Variants in SPATS2L observed in about 807,000 individuals in gnomAD.
SPATS2L encodes spermatogenesis associated serine rich 2 like.
A neutral mutation model predicts 59.6 loss-of-function variants in SPATS2L; 30 were observed. The ratio of observed to expected loss-of-function variants is 0.50; its 90% CI spans 0.38 to 0.68. SPATS2L has a LOEUF of 0.68. Ranked by LOEUF, SPATS2L falls within the 30% of genes least tolerant of loss-of-function variation. The probability of loss-of-function intolerance (pLI) is 0.00; values close to 1 mark genes in which losing one functional copy is unlikely to be tolerated. For synonymous variants in SPATS2L, 252 were observed against 263.5 expected (o/e 0.96, Z 0.42); for missense variants, 615 against 700.0 (o/e 0.88, Z 1.37).
At chr2:200,476,164 C>T (rs2087505639) in intron 12 of SPATS2L, among the ~76,000 whole-genome samples, 1 of 152,118 alleles carries the variant, frequency 6.6e-6, no homozygotes, top group African/African-American at 2.4e-5. Context: ...CCTTACTGCT[C>T]ATCCATTTAC....
chr2:200,348,447 A>T (rs1437079898), intron 2 of SPATS2L, among the ~76,000 whole-genome samples: 1 of 152,226 alleles, frequency 6.6e-6, no homozygotes, highest in African/African-American at 2.4e-5. Context: ...AATGCCTTCT[A>T]ACTTTTCAGC....
chr2:200,417,788 TTA>T (rs756672477), intron 5 of SPATS2L, among the ~76,000 whole-genome samples: 1 of 152,204 alleles, frequency 6.6e-6, no homozygotes, highest in Non-Finnish European at 1.5e-5. Flanking sequence ...AAAAAACTGT[TTA>T]TTTTTACTTC....
intron 1 of SPATS2L, among the ~76,000 whole-genome samples, chr2:200,323,918 G>T (rs927808654): frequency 2.6e-5 from 4 of 152,214 alleles, no homozygotes; most frequent in African/African-American, 9.6e-5. Context: ...GGAGGGGACA[G>T]GAAAGGGAAC....
intron 2 of SPATS2L, among the ~76,000 whole-genome samples, chr2:200,366,778 T>C (rs924673169): frequency 6.6e-6 from 1 of 152,204 alleles, no homozygotes; most frequent in Non-Finnish European, 1.5e-5. Flanking sequence ...TATTGGAGGC[T>C]TACAGATTTT....
At chr2:200,391,922 C>A (rs1299890353) in intron 3 of SPATS2L, among the ~76,000 whole-genome samples, 1 of 152,210 alleles carries the variant, frequency 6.6e-6, no homozygotes, top group Non-Finnish European at 1.5e-5. Context: ...AAACTAACTT[C>A]TGACAACATA....
chr2:200,365,500 T>A (rs776055225), intron 2 of SPATS2L, among the ~76,000 whole-genome samples: 1 of 152,216 alleles, frequency 6.6e-6, no homozygotes, highest in Non-Finnish European at 1.5e-5. Flanking sequence ...TACATGGGAC[T>A]CTGTCTGTGA....
intron 5 of SPATS2L, among the ~76,000 whole-genome samples, 185 bp downstream of exon 5, chr2:200,416,613 C>G (rs186931289): frequency 0.012 from 1,891 of 152,198 alleles, 22 homozygotes; most frequent in South Asian, 0.022. Flanking sequence ...ACTAGTAATG[C>G]CCTTATTTTC....
At chr2:200,330,263 T>C (rs144175746) in intron 2 of SPATS2L, among the ~76,000 whole-genome samples, 1 of 152,380 alleles carries the variant, frequency 6.6e-6, no homozygotes, top group Non-Finnish European at 1.5e-5. Flanking sequence ...AAATTCCAAA[T>C]TGAGGTAGTC....
chr2:200,455,392 G>A lies in SPATS2L; in HGVS notation c.789-4377G>A, dbSNP rs2085763707. On this transcript the variant is annotated intron_variant, in intron 8 of 12. Coordinates refer to ENST00000409140, the MANE Select transcript of SPATS2L (RefSeq NM_001100423.2). ...AGAAGAGTTGTCTTCAAGGTAGAGG[G>A]AAGGGCTTGTTTCAAGCCCCTGTGG... 3.3e-5 allele frequency among the ~76,000 whole-genome samples: 5 copies of A among 152,174 alleles called. No homozygotes were observed. In the South Asian group the frequency reaches 1.0e-3, roughly 32 times the overall value.
At chr2:200,406,786 C>G (rs2082702317) in intron 3 of SPATS2L, among the ~76,000 whole-genome samples, 1 of 152,166 alleles carries the variant, frequency 6.6e-6, no homozygotes, top group Non-Finnish European at 1.5e-5. Flanking sequence ...ACTGCTGTAT[C>G]CAGCCTCTAG....
chr2:200,373,020 A>G (rs1041424657), intron 2 of SPATS2L, among the ~76,000 whole-genome samples: 6 of 152,204 alleles, frequency 3.9e-5, no homozygotes, highest in Admixed American at 2.0e-4. Flanking sequence ...AATGATAGCT[A>G]TTGCTAAAGG....
intron 9 of SPATS2L, among the ~76,000 whole-genome samples, chr2:200,465,900 C>T (rs1163247250): frequency 3.9e-5 from 6 of 152,086 alleles, no homozygotes; most frequent in Non-Finnish European, 8.8e-5. Flanking sequence ...GGCATGGTGG[C>T]GGGCGCCTGT....
At chr2:200,327,786 T>C (rs751481503) in intron 1 of SPATS2L, among the ~76,000 whole-genome samples, 1 of 152,210 alleles carries the variant, frequency 6.6e-6, no homozygotes, top group Non-Finnish European at 1.5e-5. Context: ...CTAGGTGAGA[T>C]GAACTGATCT....
chr2:200,363,207 T>C (rs2081165090), intron 2 of SPATS2L, among the ~76,000 whole-genome samples: 1 of 152,202 alleles, frequency 6.6e-6, no homozygotes, highest in African/African-American at 2.4e-5. Flanking sequence ...TTTTTTTTAA[T>C]TATACTACTA....
At position 200,482,014 on chromosome 2, in the gene SPATS2L, A is replaced by T. The variant is rs1218809782; in HGVS notation, c.*3983A>T. ...TGTTCTTAAGTTTCTTAAGCAAACT[A>T]TAAAATAGCAAAAGACCAAAAAAAA... On this transcript the variant is annotated 3_prime_UTR_variant, in exon 13 of 13. Coordinates refer to ENST00000409140, the MANE Select transcript of SPATS2L (RefSeq NM_001100423.2). The T allele has an allele frequency of 8.0e-6, 1 of 125,150 alleles. No homozygotes were observed. Among genetic ancestry groups the T allele is most frequent in the Non-Finnish European group, 1.7e-5 (1 of 58,530 alleles). The allele number at this position is 125,150 out of a possible 1,614,324, so 7.8% of individuals were successfully genotyped here. A position where few individuals can be genotyped will look rare whatever the true frequency, so the allele number is the denominator to read the frequency against.
At chr2:200,458,893 TAA>T (rs1173220577) in intron 8 of SPATS2L, among the ~76,000 whole-genome samples, 1 of 152,202 alleles carries the variant, frequency 6.6e-6, no homozygotes, top group Non-Finnish European at 1.5e-5. Context: ...ATATTATGAC[TAA>T]ACTAAAAATA....
chr2:200,389,441 A>C (rs2082101892), intron 3 of SPATS2L, 158 bp downstream of exon 3: 4 of 553,164 alleles, frequency 7.2e-6, no homozygotes, highest in Non-Finnish European at 9.7e-6. Context: ...AAAGAATCAT[A>C]AGTAACATTT....
chr2:200,464,157 A>G (rs1336275828), intron 9 of SPATS2L, among the ~76,000 whole-genome samples: 1 of 152,240 alleles, frequency 6.6e-6, no homozygotes, highest in Non-Finnish European at 1.5e-5. Context: ...ATTGTAAATT[A>G]CAGGATCAGT....
intron 3 of SPATS2L, among the ~76,000 whole-genome samples, chr2:200,411,627 T>C (rs2082881568): frequency 6.6e-6 from 1 of 152,234 alleles, no homozygotes; most frequent in South Asian, 2.1e-4. Flanking sequence ...AAAGAATATA[T>C]GCTAAATTTG....
Sources: gnomAD v4.1 joint callset for allele counts (sites outside exome capture counted in the v4.1 genomes callset) on GRCh38, gnomAD v4.1.1 for gene constraint, MANE v1.5 for transcripts, NCBI Gene and HGNC (gene_info 2026-07-23, HGNC 2026-07-21) for gene names.